Variants in PLEKHA7 observed in about 807,000 individuals in gnomAD.
PLEKHA7 encodes the protein pleckstrin homology domain containing A7, also known as pleckstrin homology domain-containing family A member 7.
In PLEKHA7, 104 loss-of-function variants were observed where a neutral mutation model predicts 170.0. That is an observed-to-expected ratio of 0.61 (90% CI 0.52 to 0.72). The LOEUF (loss-of-function observed/expected upper bound fraction) is 0.72. Ranked by LOEUF, PLEKHA7 falls within the 30% of genes least tolerant of loss-of-function variation. PLEKHA7 has a pLI of 0.00. For synonymous variants in PLEKHA7, 648 were observed against 660.8 expected (o/e 0.98, Z 0.30); for missense variants, 1,615 against 1,671.7 (o/e 0.97, Z 0.59).
intron 3 of PLEKHA7, among the ~76,000 whole-genome samples, chr11:16,887,373 CCA>C (rs1856203862): frequency 6.6e-6 from 1 of 150,472 alleles, no homozygotes; most frequent in Non-Finnish European, 1.5e-5. Flanking sequence ...CTCCCTCTCC[CCA>C]CGGTCTGCCT....
chr11:16,802,965 CACGTACTTTGTTCT>C lies in PLEKHA7; in HGVS notation c.2150_2157+6del. The C allele has an allele frequency of 6.2e-7, 1 of 1,609,284 alleles. No individual in the cohort carries two copies. Among genetic ancestry groups the C allele is most frequent in the Non-Finnish European group, 8.5e-7 (1 of 1,175,522 alleles). On this transcript the variant is annotated splice_donor_variant and splice_donor_5th_base_variant and coding_sequence_variant and intron_variant, in exon 15 of 27. Transcript: ENST00000531066. LOFTEE classifies it high-confidence loss of function. ...CCATTCCAAGATTATTCAAAACTGACACGTACTTTGTTCTCTTTAAGGGCTCGTATCTTGTCTTC... is the reference window on the plus strand; with the variant it reads ...CCATTCCAAGATTATTCAAAACTGACCTTTAAGGGCTCGTATCTTGTCTTC...
intron 9 of PLEKHA7, among the ~76,000 whole-genome samples, chr11:16,838,423 G>A (rs572627044): frequency 6.6e-6 from 1 of 151,644 alleles, no homozygotes; most frequent in East Asian, 1.9e-4. Context: ...TGACATGGGA[G>A]GATTGCTTGA....
chr11:16,871,101 T>C lies in PLEKHA7; in HGVS notation c.303A>G (p.Glu101=). The C allele has an allele frequency of 3.8e-6, 6 of 1,588,980 alleles. No individual in the cohort carries two copies. Among genetic ancestry groups the C allele is most frequent in the African/African-American group, 1.3e-5 (1 of 74,418 alleles). The part of the protein sequence containing the change: ...SPENSEFILQ[E]EPNPHMSKQD... ...GGAGAATACATAAAAAGACTTACTC[T>C]TCTTGAAGAATGAATTCACTATTTT... Residue 101 remains glutamate, a splice_region_variant and synonymous_variant, in exon 4 of 27, where the codon GAA becomes GAG. Transcript: ENST00000531066.
chr11:16,847,888 G>A (rs190719281), intron 8 of PLEKHA7, among the ~76,000 whole-genome samples: 1 of 151,922 alleles, frequency 6.6e-6, no homozygotes, highest in East Asian at 1.9e-4. Flanking sequence ...GAAAGCAATG[G>A]GGAACCACTG....
rs561823409 is a variant in PLEKHA7, at chr11:16,909,020, C to G, written c.222-37838G>C. ...AGGGATTTGAATCTCAGTTCTCCCC[C>G]CTACTCTGTGACCTTAACCTGTTTC... On this transcript the variant is annotated intron_variant, in intron 3 of 26. Transcript: ENST00000531066. Among the ~76,000 whole-genome samples the G allele has an allele frequency of 7.2e-5, 11 of 152,238 alleles. 1 individual carries two copies. In the East Asian group the frequency reaches 1.4e-3, roughly 19 times the overall value.
chr11:16,801,165 C>T (rs539688182), intron 16 of PLEKHA7, 90 bp from the exon 17 acceptor site: 2 of 1,124,272 alleles, frequency 1.8e-6, no homozygotes, highest in Admixed American at 3.4e-5. Context: ...CCATGCTGAC[C>T]CAGCCAGGGG....
chr11:16,820,433 C>T lies in PLEKHA7; in HGVS notation c.1344-3111G>A, dbSNP rs183256672. Among the ~76,000 whole-genome samples the T allele has an allele frequency of 9.2e-5, 14 of 152,306 alleles. No individual in the cohort carries two copies. In the East Asian group the frequency reaches 1.9e-3, roughly 21 times the overall value. On this transcript the variant is annotated intron_variant, in intron 10 of 26. Transcript: ENST00000531066. ...TTTAAGATCTCTTCAACCTACTTGT[C>T]GTGCCTGCCAAGTGAGTCGGCCTGC... is the stretch of plus-strand genomic sequence containing the variant.
At chr11:16,859,136 C>T (rs774372878) in intron 4 of PLEKHA7, among the ~76,000 whole-genome samples, 8 of 152,170 alleles carry the variant, frequency 5.3e-5, no homozygotes, top group Non-Finnish European at 1.0e-4. Flanking sequence ...TCACCAAGGC[C>T]CCCCATGAGC....
rs555251050 is a variant in PLEKHA7 at position 16,929,425 on chromosome 11, C to T, written c.222-58243G>A. On this transcript the variant is annotated intron_variant, in intron 3 of 26. Transcript: ENST00000531066. ...CAAATATTCTGGGTTCTTAATAAGC[C>T]GAGAGCATATACTGCATATACTCTT... Among the ~76,000 whole-genome samples, 31 of 152,278 alleles carry T rather than the reference C, an allele frequency of 2.0e-4. 1 individual carries two copies. In the South Asian group the frequency reaches 5.6e-3, roughly 27 times the overall value.
chr11:16,836,972 C>T (rs565287152), intron 9 of PLEKHA7, among the ~76,000 whole-genome samples: 33 of 152,070 alleles, frequency 2.2e-4, no homozygotes, highest in Admixed American at 1.1e-3. Context: ...TACAGGAACC[C>T]GCCACCAAGC....
intron 3 of PLEKHA7, among the ~76,000 whole-genome samples, chr11:16,998,287 C>A (rs1395472888): frequency 5.3e-5 from 8 of 152,098 alleles, no homozygotes; most frequent in Admixed American, 4.6e-4. Context: ...CAAAACCCAA[C>A]ACGAACCTTC....
intron 12 of PLEKHA7, 134 bp from the exon 13 acceptor site, chr11:16,813,300 G>A (rs1354605234): frequency 6.6e-6 from 4 of 609,246 alleles, no homozygotes; most frequent in Non-Finnish European, 1.2e-5. Context: ...CACATCAGGG[G>A]CCACAGAGGA....
In PLEKHA7 at chr11:16,789,798, C is replaced by T. The variant is rs186303220; in HGVS notation, c.3133G>A (p.Glu1045Lys). The T allele has an allele frequency of 7.6e-5, 122 of 1,614,054 alleles. No individual in the cohort carries two copies. The East Asian group carries it at 1.2e-3, about 16-fold the overall frequency. The part of the protein sequence containing the change: ...YVTLRRGLNA[E>K]SSKATFPRPK... ...ACAGGGAAGGTCGCCTTGCTGCTTT[C>T]GGCATTGAGACCCCTCCGGAGTGTG... The change falls in exon 22 of 27, where the codon GAA (glutamate) becomes AAA (lysine). Residue 1045 changes from glutamate (E) to lysine (K), a missense_variant. Coordinates refer to ENST00000531066, the MANE Select transcript of PLEKHA7 (RefSeq NM_001329630.2). This position sits in a 1 kb window ranked among gnomAD's most constrained non-coding sequence, Gnocchi z 4.6.
intron 9 of PLEKHA7, among the ~76,000 whole-genome samples, chr11:16,835,788 T>C (rs1370865594): frequency 1.3e-5 from 2 of 152,178 alleles, no homozygotes; most frequent in Admixed American, 6.5e-5. Flanking sequence ...TGGGAGGAGA[T>C]ACCTAAGGCA....
intron 3 of PLEKHA7, among the ~76,000 whole-genome samples, chr11:16,892,435 T>TGTGTGTGTG (rs1554964897): frequency 0.017 from 1,672 of 98,360 alleles, 35 homozygotes; most frequent in African/African-American, 0.073. Context: ...TGTGTGTGTG[T>TGTGTGTGTG]TTTGTTTTGT....
At chr11:16,803,165 G>A (rs774318264) in intron 14 of PLEKHA7, 62 bp downstream of exon 14, 130 of 1,570,638 alleles carry the variant, frequency 8.3e-5, no homozygotes, top group Non-Finnish European at 1.1e-4. Flanking sequence ...GCCTGAAGCT[G>A]TTCACCCGGG....
rs1420004461 is a variant in PLEKHA7 at position 16,957,689 on chromosome 11, A to ATATTTTTTTTTTTTTTTTTTTTTT, written c.221+56299_221+56300insAAAAAAAAAAAAAAAAAAAAAATA. Among the ~76,000 whole-genome samples the ATATTTTTTTTTTTTTTTTTTTTTT allele has an allele frequency of 3.4e-5, 4 of 118,226 alleles. 2 individuals are homozygous for ATATTTTTTTTTTTTTTTTTTTTTT. Among genetic ancestry groups the ATATTTTTTTTTTTTTTTTTTTTTT allele is most frequent in the African/African-American group, 6.6e-5 (2 of 30,344 alleles). 77.6% of individuals were successfully genotyped at this position (118,226 alleles called of 152,430 possible). A position where few individuals can be genotyped will look rare whatever the true frequency, so the allele number is the denominator to read the frequency against. On this transcript the variant is annotated intron_variant, in intron 3 of 26. Transcript: ENST00000531066. ...ATATTACATGAATTTTACCTCAATAATTTTTTTCTTTTTTTTTTTTTTTTT... is the reference window on the plus strand; with the variant it reads ...ATATTACATGAATTTTACCTCAATAATATTTTTTTTTTTTTTTTTTTTTTTTTTTTTCTTTTTTTTTTTTTTTTT...
intron 3 of PLEKHA7, among the ~76,000 whole-genome samples, chr11:16,952,627 C>T (rs1590705197): frequency 6.6e-6 from 1 of 151,984 alleles, no homozygotes; most frequent in East Asian, 1.9e-4. Context: ...GTGTCTTTTA[C>T]CTGAAATGCT....
intron 12 of PLEKHA7, among the ~76,000 whole-genome samples, chr11:16,815,452 G>A (rs932937986): frequency 3.3e-5 from 5 of 152,242 alleles, no homozygotes; most frequent in African/African-American, 1.2e-4. Context: ...TAAAGGCACT[G>A]GCAGTAAAAG....
Sources: allele counts gnomAD v4.1 joint callset (sites outside exome capture counted in the v4.1 genomes callset), GRCh38; gene constraint gnomAD v4.1.1; non-coding constraint Gnocchi (gnomAD v3.1); transcripts MANE v1.5; gene names NCBI Gene and HGNC (gene_info 2026-07-23, HGNC 2026-07-21).